The following MAN1A1 variants were observed in gnomAD, a reference collection of about 807,000 sequenced individuals.
MAN1A1 encodes mannosidase alpha class 1A member 1.
MAN1A1 carries 29 observed loss-of-function variants against 70.8 expected under a neutral mutation model. The observed-to-expected ratio is 0.41, with a 90% CI of 0.31 to 0.56. MAN1A1 has a LOEUF of 0.56. Among genes scored for constraint, MAN1A1 ranks in the 20% least tolerant of loss-of-function variants. The pLI is 0.29. For synonymous variants in MAN1A1, 349 were observed against 330.1 expected (o/e 1.06, Z -0.62); for missense variants, 747 against 841.3 (o/e 0.89, Z 1.39).
chr6:119,269,584 C>T (rs774341236), intron 5 of MAN1A1: 42 of 187,572 alleles, frequency 2.2e-4, no homozygotes, highest in Non-Finnish European at 4.2e-4. Context: ...GTGGAAAGTG[C>T]CAAAAATGTT....
chr6:119,251,431 C>T (rs1775313949), intron 5 of MAN1A1, among the ~76,000 whole-genome samples: 3 of 152,150 alleles, frequency 2.0e-5, no homozygotes, highest in African/African-American at 7.2e-5. Context: ...TTTATTTACA[C>T]ATTCTCTCAT....
intron 2 of MAN1A1, among the ~76,000 whole-genome samples, chr6:119,338,381 TA>T (rs939568053): frequency 6.6e-6 from 1 of 152,040 alleles, no homozygotes; most frequent in African/African-American, 2.4e-5. Context: ...TGCTTTTCTT[TA>T]AAAATAAAAT....
At chr6:119,267,402 A>C (rs1775787718) in intron 5 of MAN1A1, among the ~76,000 whole-genome samples, 1 of 152,072 alleles carries the variant, frequency 6.6e-6, no homozygotes, top group Non-Finnish European at 1.5e-5. Context: ...ATAACTCAGT[A>C]CATTAAGTAT....
intron 4 of MAN1A1, among the ~76,000 whole-genome samples, chr6:119,294,262 A>G (rs1056317571): frequency 1.3e-5 from 2 of 152,076 alleles, no homozygotes; most frequent in Non-Finnish European, 2.9e-5. Flanking sequence ...CATTTTTATA[A>G]ACTTCTGATT....
rs200812405 is a variant in MAN1A1 at position 119,348,576 on chromosome 6, C to T, written c.490G>A (p.Asp164Asn). 485 of 1,613,986 alleles carry T rather than the reference C, an allele frequency of 3.0e-4. 6 individuals carry two copies. In the East Asian group the frequency reaches 8.9e-3, roughly 30 times the overall value. Residue 164 changes from aspartate to asparagine, a missense_variant, in exon 2 of 13, where the codon GAC becomes AAC. Around this residue, in one of 2 missense-constraint regions of MAN1A1, gnomAD observed 328 missense variants for 293.1 expected, o/e 1.12. Transcript: ENST00000368468. ...KKKVAQDQLR[D>N]KAPFRGLPPV... ...GGCAGGCCTCTGAACGGCGCCTTGT[C>T]ACGCAGCTGGTCCTGGGCCACCTTC... is the stretch of plus-strand genomic sequence containing the variant.
intron 10 of MAN1A1, 120 bp from the exon 11 acceptor site, chr6:119,188,697 G>T: frequency 1.1e-6 from 1 of 899,574 alleles, no homozygotes; most frequent in Non-Finnish European, 1.7e-6. Flanking sequence ...CTGGTTCCAG[G>T]ACCCTCCGAG....
chr6:119,230,646 A>C (rs1774650769), intron 6 of MAN1A1, among the ~76,000 whole-genome samples: 1 of 152,200 alleles, frequency 6.6e-6, no homozygotes, highest in African/African-American at 2.4e-5. Context: ...TCTTCCCTAG[A>C]CTATAAACTC....
intron 6 of MAN1A1, among the ~76,000 whole-genome samples, chr6:119,220,616 A>C (rs1372425768): frequency 2.0e-5 from 3 of 152,210 alleles, no homozygotes; most frequent in African/African-American, 7.2e-5. Flanking sequence ...AGATGGTAGG[A>C]TATTACTGTT....
intron 1 of MAN1A1, 81 bp from the exon 2 acceptor site, chr6:119,349,368 C>T: frequency 9.7e-7 from 1 of 1,030,196 alleles, no homozygotes; most frequent in South Asian, 4.7e-5. Context: ...CGACTCCTGG[C>T]GAGCCTCCAG....
chr6:119,329,887 C>T (rs767757569), intron 2 of MAN1A1, among the ~76,000 whole-genome samples: 5 of 152,170 alleles, frequency 3.3e-5, no homozygotes, highest in African/African-American at 4.8e-5. Flanking sequence ...CTACCTGCTT[C>T]TTACCAAATC....
chr6:119,207,254 C>A (rs1461661322), intron 6 of MAN1A1, among the ~76,000 whole-genome samples: 1 of 152,030 alleles, frequency 6.6e-6, no homozygotes, highest in African/African-American at 2.4e-5. Flanking sequence ...ACCCCCCCAA[C>A]CCCCAACCAC....
intron 5 of MAN1A1, among the ~76,000 whole-genome samples, chr6:119,258,887 C>T (rs557427726): frequency 5.3e-5 from 8 of 152,184 alleles, no homozygotes; most frequent in East Asian, 1.9e-4. Context: ...ACAGTCTGTA[C>T]GATCTTGAAC....
At chr6:119,213,765 G>C (rs1774116958) in intron 6 of MAN1A1, among the ~76,000 whole-genome samples, 1 of 152,034 alleles carries the variant, frequency 6.6e-6, no homozygotes, top group Non-Finnish European at 1.5e-5. Context: ...ATAAGGCAGC[G>C]ACAAATCCAT....
intron 4 of MAN1A1, among the ~76,000 whole-genome samples, chr6:119,292,213 T>G (rs748405016): frequency 1.2e-4 from 18 of 152,076 alleles, no homozygotes; most frequent in Middle Eastern, 3.2e-3. Flanking sequence ...TAAGTTAGAA[T>G]AGCTAACCTA....
intron 2 of MAN1A1, among the ~76,000 whole-genome samples, chr6:119,317,550 G>T (rs1772887967): frequency 6.6e-6 from 1 of 151,920 alleles, no homozygotes; most frequent in Non-Finnish European, 1.5e-5. Flanking sequence ...CCCTTTTATT[G>T]CTTGATGGCT....
At chr6:119,223,679 T>C (rs1318094281) in intron 6 of MAN1A1, among the ~76,000 whole-genome samples, 4 of 152,122 alleles carry the variant, frequency 2.6e-5, no homozygotes, top group African/African-American at 4.8e-5. Flanking sequence ...TTAAAAATTA[T>C]GGCCTATTTA....
intron 5 of MAN1A1, among the ~76,000 whole-genome samples, chr6:119,263,439 G>C (rs1246272068): frequency 6.6e-6 from 1 of 152,054 alleles, no homozygotes; most frequent in African/African-American, 2.4e-5. Context: ...CTTGTAAGTG[G>C]GAGCTAAACA....
intron 6 of MAN1A1, among the ~76,000 whole-genome samples, chr6:119,225,425 G>GAGGAGGAGA (rs58649946): frequency 0.85 from 128,721 of 151,008 alleles, 55,182 homozygotes; most frequent in Non-Finnish European, 0.9. Context: ...GAAAGAGAAG[G>GAGGAGGAGA]AGGAGGAGAA....
At chr6:119,318,614 C>T (rs537831874) in intron 2 of MAN1A1, among the ~76,000 whole-genome samples, 1 of 152,188 alleles carries the variant, frequency 6.6e-6, no homozygotes, top group South Asian at 2.1e-4. Context: ...ACATGCAAAA[C>T]CAACTTCCAA....
Sources: allele counts gnomAD v4.1 joint callset (sites outside exome capture counted in the v4.1 genomes callset), GRCh38; gene constraint gnomAD v4.1.1; regional missense constraint gnomAD v4.1.1; transcripts MANE v1.5; gene names NCBI Gene and HGNC (gene_info 2026-07-23, HGNC 2026-07-21).